Variants in CMKLR1 observed in about 807,000 individuals in gnomAD.
The protein encoded by CMKLR1 is chemerin-like receptor 1.
In CMKLR1, 6 loss-of-function variants were observed where a neutral mutation model predicts 8.2. The ratio of observed to expected loss-of-function variants is 0.73; its 90% CI spans 0.40 to 1.44. CMKLR1 has a LOEUF of 1.44. Ranked by LOEUF, CMKLR1 falls within the 40% of genes most tolerant of loss-of-function variation. The pLI, the probability that CMKLR1 is intolerant of heterozygous loss-of-function variation, is 0.02. For synonymous variants in CMKLR1, 178 were observed against 181.2 expected (o/e 0.98, Z 0.14); for missense variants, 429 against 478.0 (o/e 0.90, Z 0.96).
intron 1 of CMKLR1, among the ~76,000 whole-genome samples, chr12:108,336,719 G>A (rs1593183586): frequency 1.3e-5 from 2 of 152,302 alleles, no homozygotes; most frequent in East Asian, 3.9e-4. Flanking sequence ...TTGTACATCA[G>A]TGGGAATAAG....
rs1296114184 is a variant in CMKLR1, at chr12:108,290,836, A to C, written c.*1005T>G. ...GGGGACTCTCCGGAGTTGCTTCCCA[A>C]AGCTGCATTTTGGACCTGTCTCCAA... On this transcript the variant is annotated 3_prime_UTR_variant, in exon 4 of 4. Transcript: ENST00000550402. 1 of 152,248 alleles carries C rather than the reference A, an allele frequency of 6.6e-6. No homozygotes were observed. Among genetic ancestry groups the C allele is most frequent in the African/African-American group, 2.4e-5 (1 of 41,460 alleles). 9.4% of individuals were successfully genotyped at this position (152,248 alleles called of 1,614,324 possible). A position where few individuals can be genotyped will look rare whatever the true frequency, so the allele number is the denominator to read the frequency against.
chr12:108,318,242 A>C (rs1891779881), intron 2 of CMKLR1, among the ~76,000 whole-genome samples: 1 of 152,248 alleles, frequency 6.6e-6, no homozygotes, highest in African/African-American at 2.4e-5. Context: ...TATTCTTAAT[A>C]GAGTCTGGAG....
chr12:108,302,187 C>G (rs1891294445), intron 2 of CMKLR1, among the ~76,000 whole-genome samples: 1 of 152,204 alleles, frequency 6.6e-6, no homozygotes, highest in African/African-American at 2.4e-5. Flanking sequence ...AAAACCACAA[C>G]CAGATGACAT....
At chr12:108,338,080 G>A (rs1051321051) in intron 1 of CMKLR1, among the ~76,000 whole-genome samples, 1 of 152,190 alleles carries the variant, frequency 6.6e-6, no homozygotes, top group East Asian at 1.9e-4. Context: ...AACCGCACAG[G>A]TCTGAGTGAT....
chr12:108,301,662 G>A (rs7301170), intron 2 of CMKLR1, among the ~76,000 whole-genome samples: 35,002 of 152,216 alleles, frequency 0.23, 4,395 homozygotes, highest in East Asian at 0.37. Context: ...TGTCGTCACA[G>A]ACTTTTTCCA....
intron 2 of CMKLR1, among the ~76,000 whole-genome samples, chr12:108,302,818 A>G (rs1891313120): frequency 6.6e-6 from 1 of 151,950 alleles, no homozygotes; most frequent in South Asian, 2.1e-4. Flanking sequence ...GCTCCATGGG[A>G]GAGAGGGTGG....
At chr12:108,311,300 G>A (rs1305308610) in intron 2 of CMKLR1, among the ~76,000 whole-genome samples, 6 of 128,416 alleles carry the variant, frequency 4.7e-5, no homozygotes, top group Admixed American at 1.5e-4. Context: ...GTATGTGTGC[G>A]TGTGAGATAT....
intron 2 of CMKLR1, among the ~76,000 whole-genome samples, chr12:108,302,264 C>A (rs186143287): frequency 6.6e-6 from 1 of 152,346 alleles, no homozygotes. Context: ...CGGGTGGGAG[C>A]ACAGGCACCT....
At chr12:108,319,653 C>T (rs913902711) in intron 2 of CMKLR1, among the ~76,000 whole-genome samples, 1 of 152,064 alleles carries the variant, frequency 6.6e-6, no homozygotes, top group Non-Finnish European at 1.5e-5. Flanking sequence ...AATAATAATA[C>T]CTGGCCCATG....
At chr12:108,333,379 C>T (rs1694623437) in intron 1 of CMKLR1, among the ~76,000 whole-genome samples, 1 of 152,098 alleles carries the variant, frequency 6.6e-6, no homozygotes, top group African/African-American at 2.4e-5. Flanking sequence ...ACCAGCAGAG[C>T]CCAAGACCTC....
intron 2 of CMKLR1, among the ~76,000 whole-genome samples, chr12:108,318,966 T>C (rs1005308074): frequency 1.3e-5 from 2 of 152,222 alleles, no homozygotes; most frequent in Non-Finnish European, 2.9e-5. Context: ...CCATGCCTTA[T>C]GCAGAGCAAA....
At chr12:108,295,612 G>A (rs1241763662) in intron 2 of CMKLR1, among the ~76,000 whole-genome samples, 4 of 152,220 alleles carry the variant, frequency 2.6e-5, no homozygotes, top group African/African-American at 4.8e-5. Context: ...GCTTCCTGGG[G>A]CCAATGGCAT....
In CMKLR1 at chr12:108,314,196, CAT is replaced by C. The variant is rs3045854; in HGVS notation, c.-74+15797_-74+15798del. 9.3e-3 allele frequency among the ~76,000 whole-genome samples: 1,418 copies of C among 152,264 alleles called. 20 individuals are homozygous for C. The highest frequency in any genetic ancestry group is 0.032 in the African/African-American group (1,342 of 41,520). ...ATTAAAGTAAAAGAAGGAAGGGAAACATGTGTAGAGACAGAAAATGGAGTCAC... is the reference window on the plus strand; with the variant it reads ...ATTAAAGTAAAAGAAGGAAGGGAAACGTGTAGAGACAGAAAATGGAGTCAC... On this transcript the variant is annotated intron_variant, in intron 2 of 3. Coordinates refer to ENST00000550402, the MANE Select transcript of CMKLR1 (RefSeq NM_001142343.2).
rs747547528 is a variant in CMKLR1 at position 108,292,382 on chromosome 12, C to A, written c.581G>T (p.Ser194Ile). Residue 194 changes from serine to isoleucine, a missense_variant, in exon 4 of 4, where the codon AGC (serine) becomes ATC (isoleucine). Transcript: ENST00000550402. Reference protein sequence around the residue: ...HGKISCFNNFSLSTPGSSSWP... With the variant: ...HGKISCFNNFILSTPGSSSWP... ...CGAGGAAGACCCAGGTGTGGACAGGCTGAAGTTGTTGAAGCAGGATATTTT... is the reference window on the plus strand; with the variant it reads ...CGAGGAAGACCCAGGTGTGGACAGGATGAAGTTGTTGAAGCAGGATATTTT... The A allele has an allele frequency of 2.5e-6, 4 of 1,613,990 alleles. No individual in the cohort carries two copies. The South Asian group carries it at 4.4e-5, about 18-fold the overall frequency.
rs909920591 is a variant in CMKLR1, at chr12:108,337,138, C to T, written c.-287+1889G>A. On this transcript the variant is annotated intron_variant, in intron 1 of 3. Coordinates refer to ENST00000550402, the MANE Select transcript of CMKLR1 (RefSeq NM_001142343.2). Reference sequence around the variant, plus strand: ...GAGTACCTTGCCTAAGACCAAGGTGCCCCTTCTTGCACAATGTTCTACTCC... The same window carrying T: ...GAGTACCTTGCCTAAGACCAAGGTGTCCCTTCTTGCACAATGTTCTACTCC... Among the ~76,000 whole-genome samples the T allele has an allele frequency of 1.3e-5, 2 of 152,162 alleles. 1 individual carries two copies.
At chr12:108,328,925 T>G (rs1047649706) in intron 2 of CMKLR1, among the ~76,000 whole-genome samples, 4 of 152,182 alleles carry the variant, frequency 2.6e-5, no homozygotes, top group Admixed American at 2.6e-4. Flanking sequence ...TCATTTCCTC[T>G]CAGCCTCTAT....
In CMKLR1 at chr12:108,290,362, CCT is replaced by C. The variant is rs1429531926; in HGVS notation, c.*1477_*1478del. The C allele has an allele frequency of 1.3e-5, 2 of 152,140 alleles. No individual in the cohort carries two copies. Among genetic ancestry groups the C allele is most frequent in the Non-Finnish European group, 2.9e-5 (2 of 68,026 alleles). 9.4% of individuals were successfully genotyped at this position (152,140 alleles called of 1,614,324 possible). A position where few individuals can be genotyped will look rare whatever the true frequency, so the allele number is the denominator to read the frequency against. On this transcript the variant is annotated 3_prime_UTR_variant, in exon 4 of 4. Transcript: ENST00000550402. Reference sequence around the variant, plus strand: ...TAACCTCTCTAAGCCTCAGATTCCTCCTATGTAAAAGGGAAGTTATAACCATA... The same window carrying C: ...TAACCTCTCTAAGCCTCAGATTCCTCATGTAAAAGGGAAGTTATAACCATA...
At chr12:108,326,724 G>A (rs1378538168) in intron 2 of CMKLR1, among the ~76,000 whole-genome samples, 3 of 152,174 alleles carry the variant, frequency 2.0e-5, no homozygotes, top group Non-Finnish European at 4.4e-5. Context: ...TCACACACAG[G>A]GGAAAGCTGG....
chr12:108,298,699 G>A (rs1037552651), intron 2 of CMKLR1, among the ~76,000 whole-genome samples: 9 of 152,144 alleles, frequency 5.9e-5, no homozygotes, highest in East Asian at 3.8e-4. Context: ...GAGGCAGGCC[G>A]GCCTGACACC....
Sources: allele counts gnomAD v4.1 joint callset (sites outside exome capture counted in the v4.1 genomes callset), GRCh38; gene constraint gnomAD v4.1.1; transcripts MANE v1.5; gene names NCBI Gene and HGNC (gene_info 2026-07-23, HGNC 2026-07-21).